GCFC2: variants seen among roughly 807,000 people sequenced by gnomAD.
The protein encoded by GCFC2 is GC-rich sequence DNA-binding factor 2.
A neutral mutation model predicts 99.4 loss-of-function variants in GCFC2; 102 were observed. The ratio of observed to expected loss-of-function variants is 1.03; its 90% CI spans 0.87 to 1.21. The LOEUF (loss-of-function observed/expected upper bound fraction) is 1.21, where lower values mean the gene tolerates loss of function less well. GCFC2 is among the 50% of genes most tolerant of loss of function. The pLI, the probability that GCFC2 is intolerant of heterozygous loss-of-function variation, is 0.00. For missense variants in GCFC2, 973 were observed against 920.9 expected, an observed-to-expected ratio of 1.06 and a Z score of -0.73; for synonymous variants, 338 against 316.8, an observed-to-expected ratio of 1.07 and a Z score of -0.71.
rs1679514729 is a variant in GCFC2, at chr2:75,680,265, A to C, written c.1740T>G (p.Ser580Arg). The change falls in exon 12 of 17, where the codon AGT (serine) becomes AGG (arginine). Residue 580 changes from serine (S) to arginine (R), a missense_variant. Ser to Arg is a moderately radical substitution (Grantham distance 110, BLOSUM62 -1). Transcript: ENST00000321027. ...WDPLSTSQTT[S>R]LITHCRVILE... ...GAATCACTCTGCAATGTGTTATTAA[A>C]CTTGTTGTCTGTGAGGTTGACAAAG... is the stretch of plus-strand genomic sequence containing the variant. 1 of 1,607,542 alleles carries C rather than the reference A, an allele frequency of 6.2e-7. No homozygotes were observed. The highest frequency in any genetic ancestry group is 1.1e-5 in the South Asian group (1 of 90,870).
chr2:75,698,257 G>A (rs1680420533), intron 4 of GCFC2, among the ~76,000 whole-genome samples: 1 of 152,088 alleles, frequency 6.6e-6, no homozygotes, highest in Admixed American at 6.5e-5. Flanking sequence ...AATATACTAA[G>A]TGCCATAAAA....
intron 12 of GCFC2, among the ~76,000 whole-genome samples, chr2:75,679,342 C>T (rs919319831): frequency 6.6e-6 from 1 of 152,132 alleles, no homozygotes; most frequent in African/African-American, 2.4e-5. Context: ...GGGCATTCTC[C>T]AGTCTGTCAA....
chr2:75,689,841 G>C, intron 9 of GCFC2, 128 bp downstream of exon 9: 1 of 593,890 alleles, frequency 1.7e-6, no homozygotes, highest in South Asian at 2.2e-5. Context: ...GGAAAAATGT[G>C]TTTCATTTTT....
chr2:75,664,377 C>A lies in GCFC2; in HGVS notation c.*289G>T. On this transcript the variant is annotated 3_prime_UTR_variant, in exon 17 of 17. Coordinates refer to ENST00000321027, the MANE Select transcript of GCFC2 (RefSeq NM_003203.5). ...GCTAAAACCTTTAGCAAGGTTTCTC[C>A]AGTTCCCCTCTTAAGAAAATTGAAA... The A allele has an allele frequency of 5.3e-6, 1 of 190,378 alleles. No individual in the cohort carries two copies. Among genetic ancestry groups the A allele is most frequent in the Non-Finnish European group, 1.1e-5 (1 of 93,638 alleles). The allele number at this position is 190,378 out of a possible 1,614,324, so 11.8% of individuals were successfully genotyped here.
chr2:75,693,779 G>T (rs1186200827), intron 6 of GCFC2, among the ~76,000 whole-genome samples: 1 of 151,638 alleles, frequency 6.6e-6, no homozygotes, highest in Non-Finnish European at 1.5e-5. Flanking sequence ...AAGATAAAAG[G>T]GCAAAGACAA....
intron 9 of GCFC2, among the ~76,000 whole-genome samples, 163 bp from the exon 10 acceptor site, chr2:75,689,388 C>T (rs1679956092): frequency 1.3e-5 from 2 of 152,006 alleles, no homozygotes; most frequent in African/African-American, 4.8e-5. Flanking sequence ...GTAATAATAT[C>T]AACACTAATA....
In GCFC2 at chr2:75,663,015, T is replaced by C. The variant is rs895182467; in HGVS notation, c.*1651A>G. 2 of 152,102 alleles carry C rather than the reference T, an allele frequency of 1.3e-5. No individual in the cohort carries two copies. The highest frequency in any genetic ancestry group is 2.9e-5 in the Non-Finnish European group (2 of 68,000). The allele number at this position is 152,102 out of a possible 1,614,324, so 9.4% of individuals were successfully genotyped here. Reference sequence around the variant, plus strand: ...TTAAAATGAAAACAGCAGTTATCTCTGGGGACAGCGGTTGTGTGGAAATGC... The same window carrying C: ...TTAAAATGAAAACAGCAGTTATCTCCGGGGACAGCGGTTGTGTGGAAATGC... On this transcript the variant is annotated 3_prime_UTR_variant, in exon 17 of 17. Coordinates refer to ENST00000321027, the MANE Select transcript of GCFC2 (RefSeq NM_003203.5).
upstream of GCFC2, among the ~76,000 whole-genome samples, chr2:75,712,315 A>G (rs1004028712): frequency 1.3e-5 from 2 of 152,116 alleles, no homozygotes; most frequent in Non-Finnish European, 2.9e-5. Context: ...CCCTGTGTTT[A>G]GCTCAAGGTT....
chr2:75,676,251 G>A (rs1345357991), intron 12 of GCFC2, among the ~76,000 whole-genome samples: 2 of 152,198 alleles, frequency 1.3e-5, no homozygotes, highest in Non-Finnish European at 2.9e-5. Context: ...TGGTCCACCA[G>A]CCATGTCTAA....
chr2:75,693,041 C>A (rs1209262354), intron 6 of GCFC2, among the ~76,000 whole-genome samples: 1 of 152,154 alleles, frequency 6.6e-6, no homozygotes, highest in Non-Finnish European at 1.5e-5. Flanking sequence ...AAGAAAATTA[C>A]ATTGTAATAA....
At chr2:75,712,199 T>A (rs1230261165), upstream of GCFC2, among the ~76,000 whole-genome samples, 4 of 115,124 alleles carry the variant, frequency 3.5e-5, no homozygotes, top group Non-Finnish European at 6.5e-5. Context: ...TGTATCTAGC[T>A]GCTCTGGTGG....
chr2:75,675,760 A>AC (rs1365964693), intron 12 of GCFC2, among the ~76,000 whole-genome samples: 13 of 123,484 alleles, frequency 1.1e-4, no homozygotes, highest in African/African-American at 3.6e-4. Flanking sequence ...AAAAAAAAAC[A>AC]AAAAAAAGAA....
chr2:75,670,091 T>G (rs746312735), intron 15 of GCFC2, 47 bp downstream of exon 15: 2 of 1,351,598 alleles, frequency 1.5e-6, no homozygotes, highest in East Asian at 2.3e-5. Context: ...AATAGCTAAA[T>G]TTTTTAGAAA....
chr2:75,694,722 A>G (rs1680229951), intron 5 of GCFC2, among the ~76,000 whole-genome samples: 1 of 152,194 alleles, frequency 6.6e-6, no homozygotes, highest in African/African-American at 2.4e-5. Flanking sequence ...GGCATTATTA[A>G]TAAAATGTTT....
chr2:75,673,507 G>T lies in GCFC2; in HGVS notation c.1826C>A (p.Ser609Tyr). The change falls in exon 13 of 17, where the codon TCC becomes TAC. Residue 609 changes from serine (S) to tyrosine (Y), a missense_variant. Transcript: ENST00000321027. ...VSKSRQDLLK[S>Y]IVSRMKKAVE... ...TGCCTTTTTCATTCTTGAAACAATG[G>T]ATTTAAGTAAATCCTATTATTACAA... 1 of 1,292,050 alleles carries T rather than the reference G, an allele frequency of 7.7e-7. No homozygotes were observed. The highest frequency in any genetic ancestry group is 1.1e-6 in the Non-Finnish European group (1 of 886,972). The allele number at this position is 1,292,050 out of a possible 1,614,324, so 80.0% of individuals were successfully genotyped here.
At chr2:75,700,378 TTA>T (rs1297719799) in intron 4 of GCFC2, among the ~76,000 whole-genome samples, 1 of 152,092 alleles carries the variant, frequency 6.6e-6, no homozygotes, top group African/African-American at 2.4e-5. Flanking sequence ...CAATAAAAAA[TTA>T]TATGAGAAAT....
rs112361215 is a variant in GCFC2, at chr2:75,710,700, C to A, written c.156G>T (p.Ala52=). 6.5e-7 allele frequency: 1 copy of A among 1,532,230 alleles called. No homozygotes were observed. Among genetic ancestry groups the A allele is most frequent in the Non-Finnish European group, 8.7e-7 (1 of 1,144,524 alleles). 94.9% of individuals were successfully genotyped at this position (1,532,230 alleles called of 1,614,324 possible). A position where few individuals can be genotyped will look rare whatever the true frequency, so the allele number is the denominator to read the frequency against. The change falls in exon 1 of 17, where the codon GCG becomes GCT. Residue 52 remains alanine (A), a synonymous_variant. Coordinates refer to ENST00000321027, the MANE Select transcript of GCFC2 (RefSeq NM_003203.5). ...EEEPPSGGGR[A]QVAGLPHRVR... ...CCCGGTGGGGCAGTCCCGCCACCTG[C>A]GCGCGGCCTCCTCCAGAGGGCGGCT...
At chr2:75,709,850 C>A (rs6761400) in intron 1 of GCFC2, among the ~76,000 whole-genome samples, 2 of 151,968 alleles carry the variant, frequency 1.3e-5, no homozygotes, top group African/African-American at 4.8e-5. Context: ...ACTTTAATGA[C>A]AATAAAAAAT....
intron 1 of GCFC2, among the ~76,000 whole-genome samples, chr2:75,708,031 T>G (rs113802830): frequency 6.6e-6 from 1 of 152,252 alleles, no homozygotes; most frequent in African/African-American, 2.4e-5. Context: ...ATGCAATGGC[T>G]GCCTTAAGGA....
Sources: gnomAD v4.1 joint callset for allele counts (sites outside exome capture counted in the v4.1 genomes callset) on GRCh38, gnomAD v4.1.1 for gene constraint, MANE v1.5 for transcripts, NCBI Gene and HGNC (gene_info 2026-07-23, HGNC 2026-07-21) for gene names.